Variants in STXBP5L observed in about 807,000 individuals in gnomAD.
STXBP5L encodes the protein syntaxin-binding protein 5-like.
A neutral mutation model predicts 144.5 loss-of-function variants in STXBP5L; 65 were observed. The observed-to-expected ratio is 0.45, with a 90% CI of 0.37 to 0.55. The LOEUF (loss-of-function observed/expected upper bound fraction) is 0.55, where lower values mean the gene tolerates loss of function less well. Ranked by LOEUF, STXBP5L falls within the 20% of genes least tolerant of loss-of-function variation. The pLI, the probability that STXBP5L is intolerant of heterozygous loss-of-function variation, is 0.00. For missense variants in STXBP5L, 1,298 were observed against 1,405.5 expected (o/e 0.92, Z 1.22); for synonymous variants, 505 against 469.6 (o/e 1.08, Z -0.97).
At chr3:121,319,483 G>T (rs1272177643) in intron 20 of STXBP5L, among the ~76,000 whole-genome samples, 3 of 152,072 alleles carry the variant, frequency 2.0e-5, no homozygotes, top group Non-Finnish European at 2.9e-5. Flanking sequence ...GTATAATCTA[G>T]TTATATCCTA....
At chr3:120,991,258 A>C (rs1173592620) in intron 3 of STXBP5L, among the ~76,000 whole-genome samples, 2 of 151,698 alleles carry the variant, frequency 1.3e-5, no homozygotes, top group Non-Finnish European at 3.0e-5. Flanking sequence ...CATCAGAGAA[A>C]TGCAAATCAA....
intron 14 of STXBP5L, among the ~76,000 whole-genome samples, chr3:121,242,890 TG>T (rs748797956): frequency 1.8e-4 from 28 of 152,170 alleles, no homozygotes; most frequent in Non-Finnish European, 3.7e-4. Flanking sequence ...CAACAATATG[TG>T]GTCCAAAAAG....
At chr3:120,929,724 A>G (rs1709824642) in intron 2 of STXBP5L, among the ~76,000 whole-genome samples, 2 of 152,152 alleles carry the variant, frequency 1.3e-5, no homozygotes, top group African/African-American at 4.8e-5. Flanking sequence ...ACCTAGTAGT[A>G]TATAACTGTC....
At chr3:120,926,034 G>A (rs1397210689) in intron 2 of STXBP5L, among the ~76,000 whole-genome samples, 1 of 152,062 alleles carries the variant, frequency 6.6e-6, no homozygotes, top group Non-Finnish European at 1.5e-5. Flanking sequence ...ATTGCTGTGG[G>A]TATTATTGTC....
At chr3:121,100,970 T>G (rs1418069847) in intron 5 of STXBP5L, among the ~76,000 whole-genome samples, 2 of 152,100 alleles carry the variant, frequency 1.3e-5, no homozygotes, top group Non-Finnish European at 2.9e-5. Flanking sequence ...AACACCTCTA[T>G]GCACACAAAC....
intron 20 of STXBP5L, among the ~76,000 whole-genome samples, chr3:121,378,296 C>A (rs1261425061): frequency 1.3e-5 from 2 of 152,114 alleles, no homozygotes; most frequent in Non-Finnish European, 2.9e-5. Flanking sequence ...TGTAACAAAC[C>A]TGCACATTCT....
intron 7 of STXBP5L, among the ~76,000 whole-genome samples, chr3:121,129,489 A>T (rs1331707549): frequency 6.6e-6 from 1 of 152,066 alleles, no homozygotes; most frequent in African/African-American, 2.4e-5. Flanking sequence ...ACCAGGTGAC[A>T]GTCCCAATCA....
intron 19 of STXBP5L, among the ~76,000 whole-genome samples, chr3:121,294,291 T>C (rs1312057655): frequency 6.6e-6 from 1 of 152,240 alleles, no homozygotes; most frequent in East Asian, 1.9e-4. Context: ...TATCATTCAA[T>C]GTGAGAGATA....
At chr3:121,378,606 A>C in intron 20 of STXBP5L, 110 bp from the exon 21 acceptor site, 1 of 1,256,094 alleles carries the variant, frequency 8.0e-7, no homozygotes, top group East Asian at 2.6e-5. Flanking sequence ...CATGTGGTTT[A>C]GAAAATAAAG....
intron 3 of STXBP5L, among the ~76,000 whole-genome samples, chr3:120,976,976 A>G (rs935184854): frequency 6.6e-6 from 1 of 151,984 alleles, no homozygotes; most frequent in African/African-American, 2.4e-5. Flanking sequence ...TATGTGGTCA[A>G]TTTTGGAATA....
intron 20 of STXBP5L, among the ~76,000 whole-genome samples, chr3:121,338,592 C>CAA (rs112967595): frequency 0.27 from 26,903 of 101,296 alleles, 3,540 homozygotes; most frequent in Admixed American, 0.34. Context: ...GCATTTCTGT[C>CAA]AAAAAAAAAA....
chr3:121,304,616 G>C (rs1311447116), intron 19 of STXBP5L, among the ~76,000 whole-genome samples: 1 of 151,934 alleles, frequency 6.6e-6, no homozygotes, highest in Non-Finnish European at 1.5e-5. Context: ...ATAACTCATA[G>C]CTTAAAAAAG....
At chr3:121,048,073 C>A (rs7628419) in intron 5 of STXBP5L, among the ~76,000 whole-genome samples, 5 of 151,962 alleles carry the variant, frequency 3.3e-5, no homozygotes, top group Admixed American at 3.3e-4. Context: ...ATTTGCTTAT[C>A]GGGAAAGAAT....
intron 3 of STXBP5L, among the ~76,000 whole-genome samples, chr3:121,005,896 A>G (rs991470679): frequency 3.8e-4 from 58 of 152,216 alleles, no homozygotes; most frequent in African/African-American, 1.3e-3. Context: ...TTCTAGTTTG[A>G]TTGCACTGTG....
At chr3:121,137,747 T>A (rs1361219566) in intron 7 of STXBP5L, among the ~76,000 whole-genome samples, 1 of 152,092 alleles carries the variant, frequency 6.6e-6, no homozygotes, top group Non-Finnish European at 1.5e-5. Flanking sequence ...ATGATATAAA[T>A]TTTCAGTAAA....
chr3:121,155,011 C>G (rs772356021), intron 8 of STXBP5L, among the ~76,000 whole-genome samples: 7 of 151,806 alleles, frequency 4.6e-5, no homozygotes, highest in Non-Finnish European at 8.8e-5. Context: ...GCCTGGATGA[C>G]TATAAGAGCA....
At chr3:121,387,316 G>C (rs917411862) in intron 22 of STXBP5L, among the ~76,000 whole-genome samples, 1 of 152,184 alleles carries the variant, frequency 6.6e-6, no homozygotes, top group Non-Finnish European at 1.5e-5. Flanking sequence ...CCCTTTGTCA[G>C]ATGGGTAGAT....
chr3:121,370,172 C>G (rs1215497416), intron 20 of STXBP5L, among the ~76,000 whole-genome samples: 1 of 152,102 alleles, frequency 6.6e-6, no homozygotes, highest in Non-Finnish European at 1.5e-5. Flanking sequence ...TCAAGACCAA[C>G]CTGGCCAACA....
At chr3:120,990,313 C>T (rs1390319101) in intron 3 of STXBP5L, among the ~76,000 whole-genome samples, 1 of 152,152 alleles carries the variant, frequency 6.6e-6, no homozygotes. Context: ...AAAGAGGGTA[C>T]AAACAAATGG....
Sources: allele counts gnomAD v4.1 joint callset (sites outside exome capture counted in the v4.1 genomes callset), GRCh38; gene constraint gnomAD v4.1.1; transcripts MANE v1.5; gene names NCBI Gene and HGNC (gene_info 2026-07-23, HGNC 2026-07-21).